Variants in C7orf57 observed in about 807,000 individuals in gnomAD.
The protein encoded by C7orf57 is chromosome 7 open reading frame 57.
Under a neutral mutation model 39.0 loss-of-function variants are expected in C7orf57, and 33 were observed. The observed-to-expected ratio is 0.85, with a 90% CI of 0.64 to 1.13. C7orf57 has a LOEUF of 1.13. Among genes scored for constraint, C7orf57 ranks in the 50% most tolerant of loss-of-function variants. The pLI is 0.00. For synonymous variants in C7orf57, 124 were observed against 137.1 expected (o/e 0.90, Z 0.67); for missense variants, 346 against 362.3 (o/e 0.95, Z 0.37).
chr7:48,054,470 T>C (rs1013262543), intron 7 of C7orf57, 125 bp from the exon 8 acceptor site: 3 of 664,400 alleles, frequency 4.5e-6, no homozygotes, highest in Non-Finnish European at 7.2e-6. Context: ...ATGTCAAGAG[T>C]GTTTTATGAC....
chr7:48,054,397 A>G (rs1791049370), intron 7 of C7orf57, among the ~76,000 whole-genome samples, 198 bp from the exon 8 acceptor site: 1 of 145,974 alleles, frequency 6.9e-6, no homozygotes, highest in Non-Finnish European at 1.5e-5. Flanking sequence ...CTGGGCAACA[A>G]GAGGGAAACT....
chr7:48,057,428 G>C (rs1303751225), intron 8 of C7orf57, among the ~76,000 whole-genome samples: 1 of 151,940 alleles, frequency 6.6e-6, no homozygotes, highest in Non-Finnish European at 1.5e-5. Flanking sequence ...ATCATTTGTT[G>C]TTAGTATATA....
At chr7:48,037,416 A>T (rs561838949) in intron 2 of C7orf57, among the ~76,000 whole-genome samples, 1 of 152,288 alleles carries the variant, frequency 6.6e-6, no homozygotes, top group East Asian at 1.9e-4. Flanking sequence ...GCCCAAGGTC[A>T]CACACTTCGT....
chr7:48,044,889 C>T (rs558291570), intron 4 of C7orf57, among the ~76,000 whole-genome samples: 1 of 152,288 alleles, frequency 6.6e-6, no homozygotes, highest in East Asian at 1.9e-4. Context: ...CAGGCCATTT[C>T]CCCATTTTTT....
At chr7:48,056,148 T>C (rs1170669976) in intron 8 of C7orf57, among the ~76,000 whole-genome samples, 2 of 152,210 alleles carry the variant, frequency 1.3e-5, no homozygotes. Context: ...TTTTTGATAA[T>C]AGCCATTTTG....
At chr7:48,060,182 A>G (rs1398087962) in intron 8 of C7orf57, 44 bp from the exon 9 acceptor site, 2 of 1,299,708 alleles carry the variant, frequency 1.5e-6, no homozygotes, top group Admixed American at 2.3e-5. Context: ...TAATTTATAG[A>G]AAATGTCATC....
intron 6 of C7orf57, among the ~76,000 whole-genome samples, chr7:48,051,812 CT>C (rs1562629901): frequency 2.9e-3 from 123 of 42,166 alleles, no homozygotes; most frequent in African/African-American, 4.9e-3. Flanking sequence ...CCTTCCTTTT[CT>C]CTTCTCTTTC....
intron 2 of C7orf57, among the ~76,000 whole-genome samples, chr7:48,038,795 C>G (rs988599621): frequency 1.3e-5 from 2 of 152,008 alleles, no homozygotes; most frequent in Non-Finnish European, 2.9e-5. Context: ...AGGAAGACAT[C>G]AATCAATACA....
Position 48,052,809 on chromosome 7 carries a change from C to A in C7orf57, c.715C>A (p.Pro239Thr), listed in dbSNP as rs1285563944. The change falls in exon 7 of 9, where the codon CCG (proline) becomes ACG (threonine). Residue 239 changes from proline to threonine, a missense_variant. By Grantham distance (38) the Pro-to-Thr change is conservative. Transcript: ENST00000348904. ...QQRADSDKRT[P>T]KTSRASVLSQ... ...GCGAGCTGACTCAGACAAGAGGACC[C>A]CGAAGACCTCCAGGGCATCAGTGTT... The A allele has an allele frequency of 1.3e-5, 21 of 1,614,010 alleles. No homozygotes were observed. Among genetic ancestry groups the A allele is most frequent in the Non-Finnish European group, 1.8e-5 (21 of 1,179,892 alleles).
intron 8 of C7orf57, among the ~76,000 whole-genome samples, chr7:48,055,106 G>A (rs1456157583): frequency 1.3e-5 from 2 of 152,148 alleles, no homozygotes; most frequent in African/African-American, 4.8e-5. Flanking sequence ...TCGATCTCCT[G>A]ACCTCGTGAT....
Position 48,051,774 on chromosome 7 carries a change from C to CTT in C7orf57, c.606-924_606-923dup, listed in dbSNP as rs767923235. ...CTTTTCTTTCTTTCTTTCTTTCTTT[C>CTT]TTTCTTTCTTTCTTTCTTTCTTTCC... On this transcript the variant is annotated intron_variant, in intron 6 of 8. Transcript: ENST00000348904. Among the ~76,000 whole-genome samples the CTT allele has an allele frequency of 8.7e-4, 45 of 51,972 alleles. 3 individuals are homozygous for CTT. Among genetic ancestry groups the CTT allele is most frequent in the Non-Finnish European group, 4.3e-4 (9 of 20,806 alleles). 34.1% of individuals were successfully genotyped at this position (51,972 alleles called of 152,430 possible).
At chr7:48,058,344 G>C (rs927039521) in intron 8 of C7orf57, among the ~76,000 whole-genome samples, 12 of 151,974 alleles carry the variant, frequency 7.9e-5, no homozygotes, top group Admixed American at 5.9e-4. Context: ...TCTGTGATGG[G>C]AGAGTTGTTT....
intron 3 of C7orf57, 147 bp downstream of exon 3, chr7:48,041,666 G>A (rs1465245260): frequency 8.5e-6 from 5 of 590,488 alleles, no homozygotes; most frequent in African/African-American, 1.9e-5. Context: ...ATTAGGTGTA[G>A]GGATGAGCAT....
At chr7:48,051,743 CTT>C (rs768839910) in intron 6 of C7orf57, among the ~76,000 whole-genome samples, 651 of 47,252 alleles carry the variant, frequency 0.014, 5 homozygotes, top group Non-Finnish European at 0.024. Context: ...TCTTTTCTTT[CTT>C]TTTCTTTTCT....
chr7:48,040,438 G>C (rs371489490), intron 2 of C7orf57, among the ~76,000 whole-genome samples: 2 of 152,192 alleles, frequency 1.3e-5, no homozygotes, highest in East Asian at 3.8e-4. Flanking sequence ...AGGAATCTCT[G>C]AATTTCCAGC....
At chr7:48,042,050 T>C (rs538201858) in intron 3 of C7orf57, among the ~76,000 whole-genome samples, 2 of 152,348 alleles carry the variant, frequency 1.3e-5, no homozygotes, top group African/African-American at 4.8e-5. Context: ...AAAACTAAGT[T>C]ATTTGAGCTC....
intron 8 of C7orf57, among the ~76,000 whole-genome samples, chr7:48,056,972 C>G (rs566884456): frequency 6.6e-6 from 1 of 151,824 alleles, no homozygotes; most frequent in African/African-American, 2.4e-5. Flanking sequence ...GTTCTATCCA[C>G]TGATCTATAC....
rs985925859 is a variant in C7orf57, at chr7:48,054,659, A to G, written c.841+53A>G. On this transcript the variant is annotated intron_variant, in intron 8 of 8. Transcript: ENST00000348904. ...AAAACACAAAAAGTCTTACACAAAG[A>G]AATTGATGGACATAGTCCTGCATTC... 6 of 1,470,690 alleles carry G rather than the reference A, an allele frequency of 4.1e-6. 1 individual carries two copies. Among genetic ancestry groups the G allele is most frequent in the African/African-American group, 2.8e-5 (2 of 70,714 alleles). 91.1% of individuals were successfully genotyped at this position (1,470,690 alleles called of 1,614,324 possible).
chr7:48,053,259 C>A (rs1260911869), intron 7 of C7orf57, among the ~76,000 whole-genome samples: 1 of 152,096 alleles, frequency 6.6e-6, no homozygotes, highest in Non-Finnish European at 1.5e-5. Flanking sequence ...ACAATGTTGA[C>A]CCTAAAAGGA....
Sources: allele counts gnomAD v4.1 joint callset (sites outside exome capture counted in the v4.1 genomes callset), GRCh38; gene constraint gnomAD v4.1.1; transcripts MANE v1.5; gene names NCBI Gene and HGNC (gene_info 2026-07-23, HGNC 2026-07-21).